Variants in KCNIP4 observed in about 807,000 individuals in gnomAD.
The protein encoded by KCNIP4 is Kv channel-interacting protein 4.
KCNIP4 carries 12 observed loss-of-function variants against 34.0 expected under a neutral mutation model. The observed-to-expected ratio is 0.35, with a 90% CI of 0.23 to 0.57. The LOEUF (loss-of-function observed/expected upper bound fraction) is 0.57. Ranked by LOEUF, KCNIP4 falls within the 20% of genes least tolerant of loss-of-function variation. The pLI, the probability that KCNIP4 is intolerant of heterozygous loss-of-function variation, is 0.83. For missense variants in KCNIP4, 238 were observed against 311.7 expected, an observed-to-expected ratio of 0.76 and a Z score of 1.78; for synonymous variants, 124 against 102.2, an observed-to-expected ratio of 1.21 and a Z score of -1.29.
chr4:21,759,379 C>A (rs1365791124), intron 1 of KCNIP4, among the ~76,000 whole-genome samples: 2 of 152,074 alleles, frequency 1.3e-5, no homozygotes, highest in Admixed American at 1.3e-4. Flanking sequence ...TTTCATGTGT[C>A]CTTAACAAAT....
chr4:21,072,474 T>G (rs74979298), intron 1 of KCNIP4, among the ~76,000 whole-genome samples: 1 of 151,602 alleles, frequency 6.6e-6, no homozygotes, highest in East Asian at 1.9e-4. Context: ...TCCTTCACCC[T>G]CTTTTTGATG....
intron 1 of KCNIP4, among the ~76,000 whole-genome samples, chr4:21,313,610 TTAG>T (rs1459975809): frequency 6.6e-6 from 1 of 152,222 alleles, no homozygotes; most frequent in Non-Finnish European, 1.5e-5. Context: ...CAGGACACCG[TTAG>T]TAGAACCACA....
intron 3 of KCNIP4, among the ~76,000 whole-genome samples, chr4:20,780,320 G>A (rs1283293882): frequency 6.6e-6 from 1 of 152,132 alleles, no homozygotes; most frequent in African/African-American, 2.4e-5. Context: ...AGTGAAAAGT[G>A]GAATGGAAAA....
At chr4:21,221,608 C>T (rs573003207) in intron 1 of KCNIP4, among the ~76,000 whole-genome samples, 1 of 152,276 alleles carries the variant, frequency 6.6e-6, no homozygotes, top group African/African-American at 2.4e-5. Flanking sequence ...CACCTGGTCT[C>T]TCCCTTGACA....
rs2149236160 is a variant in KCNIP4 at position 20,729,267 on chromosome 4, T to C, written c.*815A>G. 6.6e-6 allele frequency: 1 copy of C among 152,356 alleles called. No homozygotes were observed. The highest frequency in any genetic ancestry group is 2.0e-4 in the East Asian group (1 of 5,090). The allele number at this position is 152,356 out of a possible 1,614,324, so 9.4% of individuals were successfully genotyped here. A position where few individuals can be genotyped will look rare whatever the true frequency, so the allele number is the denominator to read the frequency against. On this transcript the variant is annotated 3_prime_UTR_variant, in exon 9 of 9. Coordinates refer to ENST00000382152, the MANE Select transcript of KCNIP4 (RefSeq NM_025221.6). ...GATATCCTGACCCTTTGCATATGTC[T>C]GTAAACATCCTTGTTTTGTTTGATG...
At chr4:21,239,728 G>A (rs1438795437) in intron 1 of KCNIP4, among the ~76,000 whole-genome samples, 3 of 152,082 alleles carry the variant, frequency 2.0e-5, no homozygotes, top group African/African-American at 4.8e-5. Flanking sequence ...GAAACAACAG[G>A]TGCTGGAGAG....
At chr4:21,076,692 C>A (rs1047422359) in intron 1 of KCNIP4, among the ~76,000 whole-genome samples, 3 of 151,622 alleles carry the variant, frequency 2.0e-5, no homozygotes, top group Non-Finnish European at 4.4e-5. Context: ...ATTCAATACA[C>A]CTGGGCAGCT....
chr4:20,768,799 G>C (rs2149376108), intron 3 of KCNIP4, among the ~76,000 whole-genome samples: 1 of 152,200 alleles, frequency 6.6e-6, no homozygotes, highest in South Asian at 2.1e-4. Context: ...ACACACTTCT[G>C]GGGTCAAAGT....
At chr4:21,437,549 C>T (rs948876161) in intron 1 of KCNIP4, among the ~76,000 whole-genome samples, 1 of 152,190 alleles carries the variant, frequency 6.6e-6, no homozygotes, top group Non-Finnish European at 1.5e-5. Context: ...TTTAAATCCA[C>T]TGTCTCAGGC....
chr4:21,226,101 T>A (rs183204426), intron 1 of KCNIP4, among the ~76,000 whole-genome samples: 1 of 151,464 alleles, frequency 6.6e-6, no homozygotes, highest in Non-Finnish European at 1.5e-5. Flanking sequence ...ACTGTAGAGA[T>A]GAAGAGACTG....
At chr4:21,813,263 T>A (rs1721772138) in intron 1 of KCNIP4, among the ~76,000 whole-genome samples, 1 of 152,244 alleles carries the variant, frequency 6.6e-6, no homozygotes, top group South Asian at 2.1e-4. Context: ...TTCTATTTTC[T>A]GTCTTGCAAA....
At chr4:21,548,138 C>T (rs563431722) in intron 1 of KCNIP4, among the ~76,000 whole-genome samples, 48 of 152,220 alleles carry the variant, frequency 3.2e-4, no homozygotes, top group Non-Finnish European at 2.8e-4. Context: ...CCAAGGAGCA[C>T]AGCAGTGTCA....
At chr4:21,743,716 T>C (rs1036328817) in intron 1 of KCNIP4, among the ~76,000 whole-genome samples, 25 of 151,150 alleles carry the variant, frequency 1.7e-4, no homozygotes, top group Non-Finnish European at 1.2e-4. Flanking sequence ...ATAATTCAAC[T>C]TGAGTGGTCT....
chr4:21,183,280 A>G (rs1754978221), intron 1 of KCNIP4, among the ~76,000 whole-genome samples: 1 of 152,118 alleles, frequency 6.6e-6, no homozygotes, highest in African/African-American at 2.4e-5. Flanking sequence ...TAGTCTAGCC[A>G]TTGTGAATAA....
intron 1 of KCNIP4, among the ~76,000 whole-genome samples, chr4:21,398,401 G>A (rs1271014410): frequency 1.3e-5 from 2 of 152,192 alleles, no homozygotes; most frequent in Admixed American, 1.3e-4. Context: ...ATGGCACAAA[G>A]ATGACCTATG....
At chr4:21,239,044 A>G (rs1759591507) in intron 1 of KCNIP4, among the ~76,000 whole-genome samples, 1 of 152,068 alleles carries the variant, frequency 6.6e-6, no homozygotes, top group African/African-American at 2.4e-5. Context: ...CCAATGGAAC[A>G]GAACAGAGCC....
intron 1 of KCNIP4, among the ~76,000 whole-genome samples, chr4:21,321,690 AAG>A (rs940503343): frequency 1.3e-5 from 1 of 75,576 alleles, no homozygotes; most frequent in African/African-American, 5.2e-5. Flanking sequence ...GAAGAATGTG[AAG>A]AGAGAGAAGG....
intron 1 of KCNIP4, among the ~76,000 whole-genome samples, chr4:21,715,739 G>T (rs1714323460): frequency 6.6e-6 from 1 of 152,156 alleles, no homozygotes; most frequent in African/African-American, 2.4e-5. Context: ...TGTCAGGGGT[G>T]AGTTGCATCC....
chr4:21,708,595 C>T (rs1337857746), intron 1 of KCNIP4, among the ~76,000 whole-genome samples: 1 of 152,108 alleles, frequency 6.6e-6, no homozygotes, highest in South Asian at 2.1e-4. Flanking sequence ...GATATTTCTG[C>T]CTAAAGCCAC....
Sources: gnomAD v4.1 joint callset for allele counts (sites outside exome capture counted in the v4.1 genomes callset) on GRCh38, gnomAD v4.1.1 for gene constraint, MANE v1.5 for transcripts, NCBI Gene and HGNC (gene_info 2026-07-23, HGNC 2026-07-21) for gene names.